The following PLEKHS1 variants were observed in gnomAD, a reference collection of about 807,000 sequenced individuals.
PLEKHS1 encodes pleckstrin homology domain containing S1.
A neutral mutation model predicts 51.0 loss-of-function variants in PLEKHS1; 55 were observed. The observed-to-expected ratio is 1.08, with a 90% CI of 0.87 to 1.35. The LOEUF is 1.35. Ranked by LOEUF, PLEKHS1 falls within the 40% of genes most tolerant of loss-of-function variation. The probability of loss-of-function intolerance (pLI) is 0.00; values close to 1 mark genes in which losing one functional copy is unlikely to be tolerated. For missense variants in PLEKHS1, 398 were observed against 423.0 expected, an observed-to-expected ratio of 0.94 and a Z score of 0.52; for synonymous variants, 153 against 144.8, an observed-to-expected ratio of 1.06 and a Z score of -0.41.
chr10:113,773,418 A>G (rs1476203321), intron 8 of PLEKHS1, among the ~76,000 whole-genome samples: 1 of 150,268 alleles, frequency 6.7e-6, no homozygotes, highest in Non-Finnish European at 1.5e-5. Context: ...AACAGCTAAA[A>G]AGACCAAAGA....
chr10:113,777,364 C>A (rs1291782332), intron 11 of PLEKHS1, 105 bp downstream of exon 12: 1 of 1,608,644 alleles, frequency 6.2e-7, no homozygotes, highest in South Asian at 1.1e-5. Context: ...AAATAAGGTT[C>A]CTCATTCTTC....
intron 10 of PLEKHS1, 93 bp downstream of exon 10, chr10:113,775,128 C>G: frequency 8.3e-7 from 1 of 1,205,136 alleles, no homozygotes; most frequent in Non-Finnish European, 1.1e-6. Flanking sequence ...AATTTTAAAG[C>G]TGTTCCTAAA....
chr10:113,759,242 A>G (rs1353739829), intron 2 of PLEKHS1, among the ~76,000 whole-genome samples: 1 of 152,132 alleles, frequency 6.6e-6, no homozygotes, highest in Non-Finnish European at 1.5e-5. Context: ...CATCTCTACT[A>G]AAAATACAAA....
At chr10:113,766,761 T>C (rs766388946) in intron 4 of PLEKHS1, 43 bp downstream of exon 4, 79 of 1,414,298 alleles carry the variant, frequency 5.6e-5, no homozygotes, top group Non-Finnish European at 7.4e-5. Context: ...ACAAATACTA[T>C]AAAGTCAAAC....
chr10:113,765,478 G>A (rs569881365), intron 2 of PLEKHS1: 14 of 758,848 alleles, frequency 1.8e-5, no homozygotes, highest in East Asian at 1.5e-4. Context: ...TGTGTTAATC[G>A]ACACTCTTGA....
intron 11 of PLEKHS1, 154 bp downstream of exon 12, chr10:113,777,413 T>A: frequency 6.2e-7 from 1 of 1,609,906 alleles, no homozygotes; most frequent in Non-Finnish European, 8.5e-7. Context: ...CTTTCAGGAC[T>A]CTTTCAGGAT....
At chr10:113,774,490 G>A (rs113826600) in intron 9 of PLEKHS1, among the ~76,000 whole-genome samples, 157 bp downstream of exon 9, 75 of 152,270 alleles carry the variant, frequency 4.9e-4, no homozygotes, top group African/African-American at 1.7e-3. Flanking sequence ...CAAAAAATGA[G>A]GGAGTCATGT....
intron 11 of PLEKHS1, among the ~76,000 whole-genome samples, chr10:113,779,569 CA>C (rs566568556): frequency 1.7e-3 from 185 of 111,512 alleles, no homozygotes; most frequent in Middle Eastern, 4.3e-3. Context: ...GACTCTGTCT[CA>C]AAAAAAAAAA....
intron 2 of PLEKHS1, among the ~76,000 whole-genome samples, chr10:113,761,182 T>C (rs184848305): frequency 1.3e-3 from 197 of 152,316 alleles, no homozygotes; most frequent in African/African-American, 4.5e-3. Flanking sequence ...TCTTGATTAT[T>C]GTAGCTTTGT....
chr10:113,767,507 T>A, intron 5 of PLEKHS1, 28 bp downstream of exon 5: 1 of 1,579,258 alleles, frequency 6.3e-7, no homozygotes, highest in South Asian at 1.2e-5. Context: ...ACACAGAATA[T>A]CTACTGCATG....
rs1564826520 is a variant in PLEKHS1 at position 113,774,826 on chromosome 10, T to G, written c.780T>G (p.Tyr260Ter). 4.3e-6 allele frequency: 7 copies of G among 1,613,352 alleles called. No homozygotes were observed. The highest frequency in any genetic ancestry group is 5.9e-6 in the Non-Finnish European group (7 of 1,179,430). Residue 260 changes from tyrosine (Y) to a stop codon, truncating the protein, a stop_gained and splice_region_variant, in exon 10 of 12, where the codon TAT (tyrosine) becomes TAG (stop). Coordinates refer to ENST00000361048, the Ensembl canonical transcript of PLEKHS1. LOFTEE classifies it high-confidence loss of function. Reference sequence around the variant, plus strand: ...CTTGTTTTAACTTCTTATGCTCTAGTTTTTTCAAAGAGACATCCCATGAGT... The same window carrying G: ...CTTGTTTTAACTTCTTATGCTCTAGGTTTTTCAAAGAGACATCCCATGAGT...
exon 7 of PLEKHS1, chr10:113,769,806 A>T: frequency 6.2e-7 from 1 of 1,613,706 alleles, no homozygotes; most frequent in Non-Finnish European, 8.5e-7. Flanking sequence ...TTGGGTAATA[A>T]AAGAACCCTC....
chr10:113,776,580 C>G (rs1006548869), intron 11 of PLEKHS1, among the ~76,000 whole-genome samples: 2 of 152,154 alleles, frequency 1.3e-5, no homozygotes, highest in Non-Finnish European at 2.9e-5. Context: ...GTGGACTCCT[C>G]CATAACTGAG....
rs368966862 is a variant in PLEKHS1 at position 113,753,964 on chromosome 10, C to T, written c.-19-1295C>T. ...CTGGGATTACAGGTGCCCGCCACCACGCTCGGCCAATTTTTGTACTTTTAG... is the reference window on the plus strand; with the variant it reads ...CTGGGATTACAGGTGCCCGCCACCATGCTCGGCCAATTTTTGTACTTTTAG... On this transcript the variant is annotated intron_variant, in intron 1 of 11. Transcript: ENST00000361048. Among the ~76,000 whole-genome samples, 14 of 152,120 alleles carry T rather than the reference C, an allele frequency of 9.2e-5. No homozygotes were observed. The East Asian group carries it at 1.7e-3, about 19-fold the overall frequency.
chr10:113,774,779 A>G, intron 9 of PLEKHS1, 47 bp from the exon 10 acceptor site: 1 of 1,553,600 alleles, frequency 6.4e-7, no homozygotes, highest in Non-Finnish European at 8.9e-7. Flanking sequence ...GGAACACTGT[A>G]AAAACACATG....
At chr10:113,773,780 T>A (rs1289006930) in intron 8 of PLEKHS1, among the ~76,000 whole-genome samples, 1 of 152,150 alleles carries the variant, frequency 6.6e-6, no homozygotes, top group Non-Finnish European at 1.5e-5. Context: ...AAGGGCAGTA[T>A]TTTTCTAGAA....
At chr10:113,768,917 C>T in intron 6 of PLEKHS1, 27 bp downstream of exon 6, 1 of 1,559,168 alleles carries the variant, frequency 6.4e-7, no homozygotes, top group South Asian at 1.2e-5. Context: ...AATAAAATAA[C>T]AGGGCACCTG....
chr10:113,765,889 T>G (rs1056468559), intron 2 of PLEKHS1, among the ~76,000 whole-genome samples: 7 of 152,228 alleles, frequency 4.6e-5, no homozygotes, highest in African/African-American at 1.7e-4. Flanking sequence ...GACTTAAGAT[T>G]TGGTAATACA....
intron 5 of PLEKHS1, 147 bp from the exon 6 acceptor site, chr10:113,768,668 C>T (rs1013579869): frequency 1.8e-5 from 10 of 550,594 alleles, no homozygotes; most frequent in African/African-American, 5.9e-5. Context: ...GTGGAGGTGG[C>T]GAGGCCATTT....
Sources: gnomAD v4.1 joint callset for allele counts (sites outside exome capture counted in the v4.1 genomes callset) on GRCh38, gnomAD v4.1.1 for gene constraint, MANE v1.5 for transcripts, NCBI Gene and HGNC (gene_info 2026-07-23, HGNC 2026-07-21) for gene names.